PNPLA7: variants seen among roughly 807,000 people sequenced by gnomAD.
PNPLA7 encodes patatin like domain 7, lysophospholipase.
A neutral mutation model predicts 161.7 loss-of-function variants in PNPLA7; 153 were observed. The observed-to-expected ratio is 0.95, with a 90% confidence interval of 0.83 to 1.08. The LOEUF (loss-of-function observed/expected upper bound fraction) is 1.08. PNPLA7 is among the 50% of genes least tolerant of loss of function. PNPLA7 has a pLI of 0.00. For missense variants in PNPLA7, 1,739 were observed against 1,856.6 expected (o/e 0.94, Z 1.16); for synonymous variants, 809 against 782.1 (o/e 1.03, Z -0.57).
intron 6 of PNPLA7, 25 bp from the exon 7 acceptor site, chr9:137,542,826 G>A (rs758116754): frequency 6.3e-7 from 1 of 1,595,688 alleles, no homozygotes; most frequent in East Asian, 2.3e-5. Context: ...GGGCACTGTG[G>A]GACGCCCTTC....
intron 26 of PNPLA7, among the ~76,000 whole-genome samples, chr9:137,465,347 C>A (rs1831412590): frequency 6.6e-6 from 1 of 152,138 alleles, no homozygotes; most frequent in Admixed American, 6.5e-5. Flanking sequence ...GGCCAGTTCC[C>A]AGGGCCCAGT....
At position 137,520,634 on chromosome 9, in the gene PNPLA7, G is replaced by A. The variant is rs529987473; in HGVS notation, c.958-591C>T. On this transcript the variant is annotated intron_variant, in intron 10 of 34. Coordinates refer to ENST00000406427, the MANE Select transcript of PNPLA7 (RefSeq NM_001098537.3). This position sits in a 1 kb window ranked among gnomAD's most constrained non-coding sequence, Gnocchi z 5.2. Reference sequence around the variant, plus strand: ...AGAGCCCTCCGCATATCAGGCTACTGTTTTGGGCAGTGGGGATGGAGCAGG... The same window carrying A: ...AGAGCCCTCCGCATATCAGGCTACTATTTTGGGCAGTGGGGATGGAGCAGG... 6.6e-6 allele frequency among the ~76,000 whole-genome samples: 1 copy of A among 152,322 alleles called. No individual in the cohort carries two copies. Among genetic ancestry groups the A allele is most frequent in the African/African-American group, 2.4e-5 (1 of 41,576 alleles).
At chr9:137,512,837 C>T (rs1447485834) in intron 12 of PNPLA7, among the ~76,000 whole-genome samples, 2 of 151,686 alleles carry the variant, frequency 1.3e-5, no homozygotes, top group Non-Finnish European at 2.9e-5. Flanking sequence ...CAGTGGTGTG[C>T]CTGTACTCCC....
chr9:137,486,164 G>C lies in PNPLA7; in HGVS notation c.2198-1428C>G, dbSNP rs996302631. On this transcript the variant is annotated intron_variant, in intron 20 of 34. Transcript: ENST00000406427. The surrounding 1 kb of genome is among the most constrained non-coding windows in gnomAD (Gnocchi z 6.0). The stretch of plus-strand genomic sequence containing the variant: ...AAAATCCACCAGACACGCAGGTCCT[G>C]ATTGGCCAAGGTCAGAGTAAGGGGA... Among the ~76,000 whole-genome samples the C allele has an allele frequency of 5.9e-5, 9 of 152,026 alleles. No homozygotes were observed. Among genetic ancestry groups the C allele is most frequent in the Non-Finnish European group, 8.8e-5 (6 of 68,000 alleles).
rs761975815 is a variant in PNPLA7 at position 137,543,817 on chromosome 9, T to C, written c.274-2A>G. ...AAGGGTGTTGGGGAGTGTGGTCACC[T>C]GCAGAGCCAAGGGAGAGACCAGCCA... On this transcript the variant is annotated splice_acceptor_variant, in intron 4 of 34. Coordinates refer to ENST00000406427, the MANE Select transcript of PNPLA7 (RefSeq NM_001098537.3). LOFTEE classifies it high-confidence loss of function. The surrounding 1 kb of genome is among the most constrained non-coding windows in gnomAD (Gnocchi z 6.9). 1.2e-6 allele frequency: 2 copies of C among 1,612,640 alleles called. No homozygotes were observed. The highest frequency in any genetic ancestry group is 3.3e-5 in the Admixed American group (2 of 60,010).
chr9:137,509,526 G>T, intron 12 of PNPLA7: 1 of 256,468 alleles, frequency 3.9e-6, no homozygotes, highest in South Asian at 3.9e-5. Flanking sequence ...TGGCATGAGT[G>T]AGTTTAGCTG....
intron 22 of PNPLA7, 166 bp downstream of exon 22, chr9:137,480,794 G>T: frequency 1.2e-6 from 1 of 865,202 alleles, no homozygotes; most frequent in South Asian, 1.6e-5. Flanking sequence ...GGTCAGCGCT[G>T]CCCAGTGTGT....
chr9:137,543,382 C>T lies in PNPLA7; in HGVS notation c.506+50G>A, dbSNP rs202209334. On this transcript the variant is annotated intron_variant, in intron 6 of 34. Coordinates refer to ENST00000406427, the MANE Select transcript of PNPLA7 (RefSeq NM_001098537.3). This position sits in a 1 kb window ranked among gnomAD's most constrained non-coding sequence, Gnocchi z 6.9. ...CTGGAGCCAGGCCCCAGCGAGAAGC[C>T]CGGGGCTATGGGAGCTGCCGCAGCC... 3.7e-5 allele frequency: 59 copies of T among 1,612,330 alleles called. No homozygotes were observed. The African/African-American group carries it at 6.1e-4, about 17-fold the overall frequency.
At chr9:137,485,513 T>C (rs924366022) in intron 20 of PNPLA7, among the ~76,000 whole-genome samples, 7 of 152,044 alleles carry the variant, frequency 4.6e-5, no homozygotes, top group African/African-American at 1.2e-4. Flanking sequence ...AAACAAGACA[T>C]ACTCTCCAGG....
chr9:137,483,136 T>A (rs1451010355), intron 21 of PNPLA7, among the ~76,000 whole-genome samples: 1 of 152,000 alleles, frequency 6.6e-6, no homozygotes. Flanking sequence ...CCTCCCCAAG[T>A]GCTGGGATTA....
rs531211610 is a variant in PNPLA7, at chr9:137,505,629, G to A, written c.1458C>T (p.Thr486=). 1.2e-6 allele frequency: 2 copies of A among 1,614,044 alleles called. No homozygotes were observed. The highest frequency in any genetic ancestry group is 1.7e-5 in the Admixed American group (1 of 60,026). The change falls in exon 14 of 35, where the codon ACC becomes ACT. Residue 486 remains threonine (T), a synonymous_variant. Transcript: ENST00000406427. ...IFRAAKKDLL[T]LMKLEDSSLL... is the part of the protein sequence containing the mutation. ...GGCCACTCACTTCCAGCTTCATCAG[G>A]GTGAGCAGGTCCTTCTTGGCAGCTC... is the stretch of plus-strand genomic sequence containing the variant.
Position 137,506,799 on chromosome 9 carries a change from C to T in PNPLA7, c.1226-716G>A, listed in dbSNP as rs1252425364. On this transcript the variant is annotated intron_variant, in intron 12 of 34. Coordinates refer to ENST00000406427, the MANE Select transcript of PNPLA7 (RefSeq NM_001098537.3). ...CTGCTGTGGATTCTGAGGAAGGGTGCACGCTTTGCACGACGGGGTCACGCA... is the reference window on the plus strand; with the variant it reads ...CTGCTGTGGATTCTGAGGAAGGGTGTACGCTTTGCACGACGGGGTCACGCA... 2.6e-5 allele frequency among the ~76,000 whole-genome samples: 4 copies of T among 152,264 alleles called. No individual in the cohort carries two copies. The East Asian group carries it at 7.7e-4, about 29-fold the overall frequency.
rs1183388217 is a variant in PNPLA7 at position 137,467,340 on chromosome 9, T to C, written c.3016A>G (p.Ile1006Val). 1 of 1,613,566 alleles carries C rather than the reference T, an allele frequency of 6.2e-7. No individual in the cohort carries two copies. Among genetic ancestry groups the C allele is most frequent in the African/African-American group, 1.3e-5 (1 of 75,024 alleles). Residue 1006 changes from isoleucine to valine, a missense_variant, in exon 26 of 35, where the codon ATC (isoleucine) becomes GTC (valine). By Grantham distance (29) the Ile-to-Val change is conservative. Around this residue, in one of 6 missense-constraint regions of PNPLA7, gnomAD observed 703 missense variants for 694.6 expected, o/e 1.01. Coordinates refer to ENST00000406427, the MANE Select transcript of PNPLA7 (RefSeq NM_001098537.3). This position sits in a 1 kb window ranked among gnomAD's most constrained non-coding sequence, Gnocchi z 5.1. The stretch of plus-strand genomic sequence containing the variant: ...ACCTCGGCCCACTGCTTGGCCCGGA[T>C]CCGCATCTGGCTGTAGTTCCGCTCC... The part of the protein sequence containing the change: ...SEERNYSQMR[I>V]RAKQWAEGMT...
chr9:137,516,530 C>T, intron 11 of PNPLA7: 3 of 985,366 alleles, frequency 3.0e-6, no homozygotes, highest in Non-Finnish European at 3.6e-6. Flanking sequence ...ACTTTGAGGC[C>T]AGGTGCAGTG....
intron 18 of PNPLA7, among the ~76,000 whole-genome samples, 153 bp from the exon 19 acceptor site, chr9:137,495,299 G>A (rs369851864): frequency 6.6e-6 from 1 of 152,226 alleles, no homozygotes; most frequent in Non-Finnish European, 1.5e-5. Context: ...GGCGGGCGAC[G>A]CTGTCAGAAC....
intron 8 of PNPLA7, among the ~76,000 whole-genome samples, chr9:137,538,568 T>C (rs1442497138): frequency 6.6e-6 from 1 of 152,194 alleles, no homozygotes; most frequent in Non-Finnish European, 1.5e-5. Flanking sequence ...CTAGAGAAAC[T>C]GAGGTAGAAG....
intron 18 of PNPLA7, 46 bp downstream of exon 18, chr9:137,497,141 G>A: frequency 6.8e-7 from 1 of 1,478,810 alleles, no homozygotes; most frequent in Admixed American, 2.3e-5. Context: ...GATGCTCTGG[G>A]AGGGATGCAG....
At position 137,462,216 on chromosome 9, in the gene PNPLA7, T is replaced by C. The variant is rs1286327245; in HGVS notation, c.3608A>G (p.Tyr1203Cys). Reference protein sequence around the residue: ...CEYLRPPIDSYSTLDFGKFNE... With the variant: ...CEYLRPPIDSCSTLDFGKFNE... ...GAACTTGCCGAAGTCCAGGGTGCTG[T>C]AGCTGTCGATGGGGGGGCGCAGGTA... The change falls in exon 31 of 35, where the codon TAC becomes TGC. Residue 1203 changes from tyrosine to cysteine, a missense_variant. Around this residue, in one of 6 missense-constraint regions of PNPLA7, gnomAD observed 703 missense variants for 694.6 expected, o/e 1.01. Coordinates refer to ENST00000406427, the MANE Select transcript of PNPLA7 (RefSeq NM_001098537.3). 7 of 1,600,040 alleles carry C rather than the reference T, an allele frequency of 4.4e-6. No individual in the cohort carries two copies. Among genetic ancestry groups the C allele is most frequent in the Middle Eastern group, 1.7e-4 (1 of 5,984 alleles).
Position 137,500,946 on chromosome 9 carries a change from C to A in PNPLA7, c.1552-50G>T. 1 of 1,507,636 alleles carries A rather than the reference C, an allele frequency of 6.6e-7. No homozygotes were observed. The highest frequency in any genetic ancestry group is 8.9e-7 in the Non-Finnish European group (1 of 1,124,010). 93.4% of individuals were successfully genotyped at this position (1,507,636 alleles called of 1,614,324 possible). A position where few individuals can be genotyped will look rare whatever the true frequency, so the allele number is the denominator to read the frequency against. On this transcript the variant is annotated intron_variant, in intron 15 of 34. Coordinates refer to ENST00000406427, the MANE Select transcript of PNPLA7 (RefSeq NM_001098537.3). This position sits in a 1 kb window ranked among gnomAD's most constrained non-coding sequence, Gnocchi z 5.5. ...GCGCCGCGAGTGGCCGCGGGCAGGA[C>A]GGGGGCAGCTCTGGGCCCAGAGCGG... is the stretch of plus-strand genomic sequence containing the variant.
Sources: gnomAD v4.1 joint callset for allele counts (sites outside exome capture counted in the v4.1 genomes callset) on GRCh38, gnomAD v4.1.1 for gene constraint, gnomAD v4.1.1 regional missense constraint, Gnocchi (gnomAD v3.1) non-coding constraint, MANE v1.5 for transcripts, NCBI Gene and HGNC (gene_info 2026-07-23, HGNC 2026-07-21) for gene names.